Variants in MEIOB observed in about 807,000 individuals in gnomAD.
The protein encoded by MEIOB is meiosis-specific with OB domain-containing protein.
A neutral mutation model predicts 53.1 loss-of-function variants in MEIOB; 50 were observed. The ratio of observed to expected loss-of-function variants is 0.94; its 90% CI spans 0.75 to 1.19. The LOEUF (loss-of-function observed/expected upper bound fraction) is 1.19. Ranked by LOEUF, MEIOB falls within the 50% of genes most tolerant of loss-of-function variation. MEIOB has a pLI of 0.00. For synonymous variants in MEIOB, 192 were observed against 182.5 expected, an observed-to-expected ratio of 1.05 and a Z score of -0.42; for missense variants, 551 against 550.8, an observed-to-expected ratio of 1.00 and a Z score of 0.00.
chr16:1,867,461 A>G (rs112054707), intron 2 of MEIOB, among the ~76,000 whole-genome samples: 31 of 123,072 alleles, frequency 2.5e-4, no homozygotes, highest in African/African-American at 1.0e-3. Flanking sequence ...AAAATGGTTT[A>G]ATTTTTTTTT....
chr16:1,839,610 C>G (rs1414224833), intron 11 of MEIOB, 172 bp from the exon 12 acceptor site: 2 of 578,834 alleles, frequency 3.5e-6, no homozygotes, highest in Non-Finnish European at 5.8e-6. Context: ...AACACACTTT[C>G]TACGCAGCCA....
chr16:1,835,254 CTG>C (rs775047908), intron 13 of MEIOB, among the ~76,000 whole-genome samples: 4 of 149,374 alleles, frequency 2.7e-5, no homozygotes, highest in South Asian at 2.1e-4. Flanking sequence ...CAGAGTGAGA[CTG>C]TGTCTCAAAA....
intron 3 of MEIOB, 89 bp downstream of exon 3, chr16:1,865,689 A>G: frequency 1.1e-6 from 1 of 922,890 alleles, no homozygotes; most frequent in Non-Finnish European, 1.6e-6. Context: ...TTAAACAGGC[A>G]TAGAAAAATT....
chr16:1,857,608 A>G (rs1324454892), intron 6 of MEIOB, 127 bp downstream of exon 6: 1 of 635,258 alleles, frequency 1.6e-6, no homozygotes, highest in Non-Finnish European at 2.7e-6. Context: ...TTCTTAATTC[A>G]GCATACTACC....
intron 6 of MEIOB, 110 bp downstream of exon 6, chr16:1,857,625 G>T: frequency 2.7e-6 from 2 of 738,258 alleles, no homozygotes; most frequent in Non-Finnish European, 2.2e-6. Flanking sequence ...TACCAAGATA[G>T]AGAAGAAAAG....
At chr16:1,853,399 C>T in intron 7 of MEIOB, 128 bp from the exon 8 acceptor site, 1 of 692,352 alleles carries the variant, frequency 1.4e-6, no homozygotes, top group Admixed American at 2.7e-5. Flanking sequence ...TGGTCAAAGA[C>T]CTCCTAGTCT....
rs375263304 is a variant in MEIOB, at chr16:1,870,922, T to C, written c.-10+1071A>G. On this transcript the variant is annotated intron_variant, in intron 1 of 13. Transcript: ENST00000325962. ...AGGATGAGTCAGACATTTGACTCAG[T>C]GGCTGAATATTCTGTACAAACACAA... 4.6e-5 allele frequency among the ~76,000 whole-genome samples: 7 copies of C among 152,240 alleles called. No individual in the cohort carries two copies. In the East Asian group the frequency reaches 9.6e-4, roughly 21 times the overall value.
chr16:1,863,312 G>C (rs1267926416), intron 3 of MEIOB, among the ~76,000 whole-genome samples: 1 of 151,424 alleles, frequency 6.6e-6, no homozygotes, highest in African/African-American at 2.4e-5. Context: ...CTCCTGAGCA[G>C]CTGGGGCTAC....
chr16:1,844,780 A>G (rs1005237268), intron 10 of MEIOB, 82 bp downstream of exon 10: 4 of 655,724 alleles, frequency 6.1e-6, no homozygotes, highest in Non-Finnish European at 1.1e-5. Context: ...GGAATCTGGT[A>G]TCTTTTACCA....
At chr16:1,866,719 G>A (rs2999969) in intron 2 of MEIOB, among the ~76,000 whole-genome samples, 26,519 of 151,970 alleles carry the variant, frequency 0.17, 2,464 homozygotes, top group South Asian at 0.19. Flanking sequence ...GGACTCCATC[G>A]CAAAAAATAA....
rs58271962 is a variant in MEIOB, at chr16:1,858,024, A to G, written c.333-94T>C. On this transcript the variant is annotated intron_variant, in intron 5 of 13. Coordinates refer to ENST00000325962, the MANE Select transcript of MEIOB (RefSeq NM_001163560.3). ...CATTTAAACTACATTTTTCATTGAA[A>G]TTTAGACAATACTAATATATACTTT... 8,515 of 764,622 alleles carry G rather than the reference A, an allele frequency of 0.011. 477 individuals are homozygous for G. In the African/African-American group the frequency reaches 0.13, roughly 11 times the overall value. 47.4% of individuals were successfully genotyped at this position (764,622 alleles called of 1,614,324 possible). A position where few individuals can be genotyped will look rare whatever the true frequency, so the allele number is the denominator to read the frequency against.
intron 1 of MEIOB, among the ~76,000 whole-genome samples, chr16:1,869,827 A>T (rs958054713): frequency 1.3e-5 from 2 of 151,766 alleles, no homozygotes; most frequent in African/African-American, 4.8e-5. Flanking sequence ...ATCTACGTAA[A>T]CACCTCATAT....
intron 6 of MEIOB, among the ~76,000 whole-genome samples, 181 bp from the exon 7 acceptor site, chr16:1,854,381 CT>C (rs1899245899): frequency 6.6e-6 from 1 of 152,248 alleles, no homozygotes; most frequent in African/African-American, 2.4e-5. Context: ...ATGTACGTAG[CT>C]GAAGTTGTAA....
At chr16:1,860,523 T>A in intron 4 of MEIOB, 48 bp from the exon 5 acceptor site, 1 of 1,055,204 alleles carries the variant, frequency 9.5e-7, no homozygotes, top group Non-Finnish European at 1.4e-6. Flanking sequence ...AGTAACAAGA[T>A]AAACACTAAC....
At chr16:1,850,525 G>A (rs927900825) in intron 9 of MEIOB, among the ~76,000 whole-genome samples, 2 of 151,740 alleles carry the variant, frequency 1.3e-5, no homozygotes, top group East Asian at 1.9e-4. Flanking sequence ...GCAGTGAGCC[G>A]AGATTGTGCC....
chr16:1,868,682 C>T (rs973226240), intron 1 of MEIOB, among the ~76,000 whole-genome samples: 10 of 151,958 alleles, frequency 6.6e-5, no homozygotes, highest in African/African-American at 1.9e-4. Flanking sequence ...GCTGAAACCC[C>T]GTCTCTACTA....
chr16:1,846,993 A>G lies in MEIOB; in HGVS notation c.779-2030T>C, dbSNP rs569706961. ...AACATGGTGAAACCCCGTCTCTACT[A>G]AAATACAAAAAATTAGCCAGGCATG... On this transcript the variant is annotated intron_variant, in intron 9 of 13. Coordinates refer to ENST00000325962, the MANE Select transcript of MEIOB (RefSeq NM_001163560.3). Among the ~76,000 whole-genome samples, 12 of 152,008 alleles carry G rather than the reference A, an allele frequency of 7.9e-5. No individual in the cohort carries two copies. In the East Asian group the frequency reaches 2.1e-3, roughly 27 times the overall value.
chr16:1,839,423 A>G lies in MEIOB; in HGVS notation c.1050T>C (p.Tyr350=). 1 of 1,611,960 alleles carries G rather than the reference A, an allele frequency of 6.2e-7. No individual in the cohort carries two copies. The highest frequency in any genetic ancestry group is 8.5e-7 in the Non-Finnish European group (1 of 1,179,238). The change falls in exon 12 of 14, where the codon TAT becomes TAC. Residue 350 remains tyrosine (Y), a synonymous_variant. Coordinates refer to ENST00000325962, the MANE Select transcript of MEIOB (RefSeq NM_001163560.3). ...ACATGTTAGATGCTTCATTTACAAT[A>G]TAACCACAGCTGGAACTGAAAAGAA... ...VVRNRCSSCG[Y]IVNEASNMCT... is the part of the protein sequence containing the mutation.
chr16:1,870,015 G>A (rs1168800885), intron 1 of MEIOB, among the ~76,000 whole-genome samples: 5 of 151,758 alleles, frequency 3.3e-5, no homozygotes, highest in Non-Finnish European at 7.4e-5. Context: ...GGGACTACAG[G>A]CATGTGTCAC....
Sources: gnomAD v4.1 joint callset for allele counts (sites outside exome capture counted in the v4.1 genomes callset) on GRCh38, gnomAD v4.1.1 for gene constraint, MANE v1.5 for transcripts, NCBI Gene and HGNC (gene_info 2026-07-23, HGNC 2026-07-21) for gene names.